The following GLIS3 variants were observed in gnomAD, a reference collection of about 807,000 sequenced individuals.
GLIS3 encodes zinc finger protein GLIS3.
In GLIS3, 53 loss-of-function variants were observed where a neutral mutation model predicts 78.6. That is an observed-to-expected ratio of 0.67 (90% confidence interval 0.54 to 0.85). GLIS3 has a LOEUF of 0.85. Ranked by LOEUF, GLIS3 falls within the 40% of genes least tolerant of loss-of-function variation. The pLI, the probability that GLIS3 is intolerant of heterozygous loss-of-function variation, is 0.00. For synonymous variants in GLIS3, 684 were observed against 509.9 expected (o/e 1.34, Z -4.60); for missense variants, 1,703 against 1,231.1 (o/e 1.38, Z -5.74).
At chr9:3,975,588 A>G (rs1291600737) in intron 4 of GLIS3, among the ~76,000 whole-genome samples, 3 of 151,708 alleles carry the variant, frequency 2.0e-5, no homozygotes, top group Non-Finnish European at 4.4e-5. Flanking sequence ...TTGAGAAGCA[A>G]AAAGTACCTT....
intron 4 of GLIS3, among the ~76,000 whole-genome samples, chr9:4,117,064 G>C (rs190488681): frequency 6.6e-6 from 1 of 152,288 alleles, no homozygotes; most frequent in East Asian, 1.9e-4. Flanking sequence ...AGGCAGAGGC[G>C]AGGAAGAAAG....
the GLIS3 span, among the ~76,000 whole-genome samples, chr9:4,464,368 AT>A: frequency 6.6e-6 from 1 of 151,000 alleles, no homozygotes. Flanking sequence ...TTATTTATTT[AT>A]TTTTTATAAT....
chr9:4,407,487 T>A, the GLIS3 span, among the ~76,000 whole-genome samples: 2 of 151,910 alleles, frequency 1.3e-5, no homozygotes, highest in African/African-American at 4.8e-5. Flanking sequence ...CTACTAAAAA[T>A]ACAAAAACAA....
In GLIS3 at chr9:3,904,724, G is replaced by T. The variant is rs117639311; in HGVS notation, c.1984-5889C>A. ...ATACACCAATCTCTACAGTGTGTTG[G>T]ATACTGTGTGCCTCACAACTCTATG... On this transcript the variant is annotated intron_variant, in intron 6 of 10. Transcript: ENST00000381971. Among the ~76,000 whole-genome samples the T allele has an allele frequency of 4.6e-5, 7 of 152,286 alleles. No individual in the cohort carries two copies. In the East Asian group the frequency reaches 1.4e-3, roughly 29 times the overall value.
chr9:4,357,542 G>A, the GLIS3 span, among the ~76,000 whole-genome samples: 1 of 147,570 alleles, frequency 6.8e-6, no homozygotes, highest in South Asian at 2.2e-4. Flanking sequence ...TCAGCCTCCA[G>A]AATAATGTGA....
intron 4 of GLIS3, among the ~76,000 whole-genome samples, chr9:4,104,741 G>A (rs936774054): frequency 1.3e-5 from 2 of 152,118 alleles, no homozygotes; most frequent in Non-Finnish European, 2.9e-5. Flanking sequence ...TGAGGCCTTT[G>A]CACTTGCTAT....
At chr9:3,921,244 G>T (rs568229048) in intron 6 of GLIS3, among the ~76,000 whole-genome samples, 2 of 152,284 alleles carry the variant, frequency 1.3e-5, no homozygotes, top group African/African-American at 2.4e-5. Flanking sequence ...ACTAAGTTGT[G>T]TCCAGGAGAA....
chr9:3,859,350 A>AACACACAC lies in GLIS3; in HGVS notation c.2298-3174_2298-3167dup, dbSNP rs34973607. Among the ~76,000 whole-genome samples the AACACACAC allele has an allele frequency of 1.9e-4, 29 of 148,966 alleles. No individual in the cohort carries two copies. The East Asian group carries it at 2.7e-3, about 14-fold the overall frequency. On this transcript the variant is annotated intron_variant, in intron 8 of 10. Coordinates refer to ENST00000381971, the MANE Select transcript of GLIS3 (RefSeq NM_001042413.2). ...CTACTTTCCAACCCTGTTTCTTCGA[A>AACACACAC]ACACACACACACACACACACACACA...
chr9:3,951,919 T>C (rs913886515), intron 4 of GLIS3, among the ~76,000 whole-genome samples: 1 of 148,394 alleles, frequency 6.7e-6, no homozygotes, highest in Non-Finnish European at 1.5e-5. Flanking sequence ...TCTGGATGAT[T>C]TGAGGTTAGC....
chr9:4,465,224 C>A, the GLIS3 span, among the ~76,000 whole-genome samples: 5 of 152,206 alleles, frequency 3.3e-5, no homozygotes, highest in East Asian at 1.9e-4. Flanking sequence ...AGGAAATTTA[C>A]ATATAACATT....
chr9:4,346,321 G>T (rs1197838171), intron 2 of GLIS3, among the ~76,000 whole-genome samples: 1 of 152,062 alleles, frequency 6.6e-6, no homozygotes, highest in Non-Finnish European at 1.5e-5. Context: ...TTCTCCCTGG[G>T]GATACAATAC....
chr9:4,007,177 T>A (rs1394640897), intron 4 of GLIS3, among the ~76,000 whole-genome samples: 1 of 152,138 alleles, frequency 6.6e-6, no homozygotes, highest in Non-Finnish European at 1.5e-5. Context: ...AGTGCTTGGT[T>A]CAGCCGTGCT....
the GLIS3 span, among the ~76,000 whole-genome samples, chr9:4,479,747 C>T: frequency 2.3e-3 from 346 of 152,134 alleles, 3 homozygotes; most frequent in African/African-American, 7.7e-3. Flanking sequence ...AGGCAGACCC[C>T]TATCTGGGGA....
intron 6 of GLIS3, among the ~76,000 whole-genome samples, chr9:3,913,844 G>A (rs117839973): frequency 0.02 from 3,115 of 152,264 alleles, 48 homozygotes; most frequent in Non-Finnish European, 0.032. Context: ...GTTTGATCAT[G>A]CAACCTAAAA....
At chr9:4,431,312 C>T in the GLIS3 span, among the ~76,000 whole-genome samples, 82 of 152,284 alleles carry the variant, frequency 5.4e-4, no homozygotes, top group Admixed American at 3.1e-3. Flanking sequence ...TAGTTAGCAT[C>T]CTTACTTCGC....
intron 2 of GLIS3, among the ~76,000 whole-genome samples, chr9:4,275,463 T>C (rs1323943317): frequency 6.6e-6 from 1 of 151,962 alleles, no homozygotes; most frequent in African/African-American, 2.4e-5. Flanking sequence ...ACACAGCACA[T>C]AAAGAATGAG....
chr9:4,265,308 T>C (rs531914566), intron 2 of GLIS3, among the ~76,000 whole-genome samples: 1 of 152,070 alleles, frequency 6.6e-6, no homozygotes, highest in Non-Finnish European at 1.5e-5. Flanking sequence ...GCATTTCTCA[T>C]GTACCAGGCA....
the GLIS3 span, among the ~76,000 whole-genome samples, chr9:4,378,408 A>G: frequency 4.6e-5 from 7 of 152,186 alleles, no homozygotes; most frequent in Admixed American, 3.9e-4. Flanking sequence ...TATTTAAAAC[A>G]TGTTTTTGTT....
At chr9:3,887,119 CCTGT>C (rs1462346715) in intron 7 of GLIS3, among the ~76,000 whole-genome samples, 2 of 152,258 alleles carry the variant, frequency 1.3e-5, no homozygotes, top group African/African-American at 2.4e-5. Context: ...ATTATTTCTG[CCTGT>C]CTTTTTTTTC....
Sources: gnomAD v4.1 joint callset for allele counts (sites outside exome capture counted in the v4.1 genomes callset) on GRCh38, gnomAD v4.1.1 for gene constraint, MANE v1.5 for transcripts, NCBI Gene and HGNC (gene_info 2026-07-23, HGNC 2026-07-21) for gene names.